The following KCNMA1 variants were observed in gnomAD, a reference collection of about 807,000 sequenced individuals.
The protein encoded by KCNMA1 is potassium calcium-activated channel subfamily M alpha 1, also known as Calcium-activated potassium channel subunit alpha-1.
In KCNMA1, 29 loss-of-function variants were observed where a neutral mutation model predicts 140.0. The observed-to-expected ratio is 0.21, with a 90% confidence interval of 0.15 to 0.28. The LOEUF is 0.28. Among genes scored for constraint, KCNMA1 ranks in the 10% least tolerant of loss-of-function variants. KCNMA1 has a pLI of 1.00. For missense variants in KCNMA1, 880 were observed against 1,602.2 expected (o/e 0.55, Z 7.70); for synonymous variants, 612 against 611.9 (o/e 1.00, Z 0.00).
At chr10:77,079,714 G>C in intron 12 of KCNMA1, 164 bp from the exon 13 acceptor site, 2 of 666,136 alleles carry the variant, frequency 3.0e-6, no homozygotes, top group South Asian at 3.3e-5. Context: ...TTGAAGACTA[G>C]CTGAAACAGG....
At chr10:77,574,582 AC>A (rs2073298479) in intron 1 of KCNMA1, among the ~76,000 whole-genome samples, 1 of 152,196 alleles carries the variant, frequency 6.6e-6, no homozygotes, top group South Asian at 2.1e-4. Flanking sequence ...CTGGGACCTG[AC>A]TTCTAAGGTC....
In KCNMA1 at chr10:77,444,844, C is replaced by T. The variant is rs1359927490; in HGVS notation, c.379-40821G>A. Among the ~76,000 whole-genome samples, 3 of 152,156 alleles carry T rather than the reference C, an allele frequency of 2.0e-5. No homozygotes were observed. In the East Asian group the frequency reaches 5.8e-4, roughly 29 times the overall value. On this transcript the variant is annotated intron_variant, in intron 1 of 27. Transcript: ENST00000286628. ...AACACACCCAAGAGTTACCGAGTCC[C>T]TTCTGTGGTTGGGTCCTTGAAAAGC... is the stretch of plus-strand genomic sequence containing the variant.
At chr10:77,319,534 C>T (rs1397794619) in intron 2 of KCNMA1, among the ~76,000 whole-genome samples, 1 of 152,184 alleles carries the variant, frequency 6.6e-6, no homozygotes, top group Admixed American at 6.5e-5. Flanking sequence ...CTCACCTTTT[C>T]ACTAGAGCAG....
chr10:77,027,357 G>A (rs907086260), intron 16 of KCNMA1, among the ~76,000 whole-genome samples: 10 of 152,242 alleles, frequency 6.6e-5, no homozygotes, highest in South Asian at 4.2e-4. Flanking sequence ...TGGTTGCACC[G>A]GGAGAAGCAC....
In KCNMA1 at chr10:76,893,430, G is replaced by A. The variant is rs181701195; in HGVS notation, c.3148-1711C>T. ...CCAAGCAAGGGATTTTAAACTCGAT[G>A]TGGTAGAAAATGGGAGGTCAGCCAA... On this transcript the variant is annotated intron_variant, in intron 25 of 27. Coordinates refer to ENST00000286628, the MANE Select transcript of KCNMA1 (RefSeq NM_001161352.2). 2.8e-3 allele frequency among the ~76,000 whole-genome samples: 423 copies of A among 152,258 alleles called. 1 individual carries two copies. The highest frequency in any genetic ancestry group is 9.9e-3 in the African/African-American group (412 of 41,548).
At chr10:77,016,429 C>A (rs2092055184) in intron 17 of KCNMA1, among the ~76,000 whole-genome samples, 1 of 152,136 alleles carries the variant, frequency 6.6e-6, no homozygotes, top group African/African-American at 2.4e-5. Flanking sequence ...TTGTATAGAG[C>A]CTTCTAAATG....
chr10:76,926,809 A>G (rs1478593444), intron 23 of KCNMA1, among the ~76,000 whole-genome samples: 2 of 152,146 alleles, frequency 1.3e-5, no homozygotes, highest in Non-Finnish European at 2.9e-5. Flanking sequence ...ATCAACAAAC[A>G]TATCAACATT....
At chr10:77,019,317 C>T in intron 16 of KCNMA1, 1 of 555,894 alleles carries the variant, frequency 1.8e-6, no homozygotes, top group South Asian at 2.1e-5. Flanking sequence ...GGCTGGCATG[C>T]TCCCAGTTGA....
intron 10 of KCNMA1, among the ~76,000 whole-genome samples, chr10:77,088,503 C>G (rs2096744943): frequency 6.6e-6 from 1 of 152,092 alleles, no homozygotes; most frequent in African/African-American, 2.4e-5. Context: ...CATCTTGACT[C>G]ACTGCAACCT....
At chr10:76,917,851 G>T (rs552196681) in intron 23 of KCNMA1, among the ~76,000 whole-genome samples, 40 of 152,252 alleles carry the variant, frequency 2.6e-4, no homozygotes, top group African/African-American at 9.1e-4. Flanking sequence ...TTTCTTAGGG[G>T]TACTGATATG....
At chr10:77,175,606 C>T (rs751105708) in intron 5 of KCNMA1, among the ~76,000 whole-genome samples, 22 of 152,156 alleles carry the variant, frequency 1.4e-4, no homozygotes, top group Non-Finnish European at 2.6e-4. Flanking sequence ...TCCTATAGCA[C>T]GAATCCTAAC....
intron 6 of KCNMA1, among the ~76,000 whole-genome samples, chr10:77,114,207 T>G (rs920868452): frequency 1.3e-5 from 2 of 152,222 alleles, no homozygotes; most frequent in Non-Finnish European, 2.9e-5. Context: ...CTGGTGTTCC[T>G]TGAGTGGATC....
At chr10:77,378,412 T>C (rs184234632) in intron 2 of KCNMA1, among the ~76,000 whole-genome samples, 109 of 152,378 alleles carry the variant, frequency 7.2e-4, no homozygotes, top group Admixed American at 1.6e-3. Context: ...AAAATCTGTC[T>C]CTTGCCAGGG....
rs1042949864 is a variant in KCNMA1, at chr10:76,914,082, C to T, written c.3016+854G>A. ...CCAGTTCAGTTATCATTAGAATGTG[C>T]GTCCCACTGTTTTTTTCCTGATTGA... On this transcript the variant is annotated intron_variant, in intron 24 of 27. Transcript: ENST00000286628. 44 of 1,549,942 alleles carry T rather than the reference C, an allele frequency of 2.8e-5. No individual in the cohort carries two copies. In the African/African-American group the frequency reaches 3.4e-4, roughly 12 times the overall value.
chr10:77,155,263 T>C (rs1006052157), intron 5 of KCNMA1, among the ~76,000 whole-genome samples: 1 of 152,232 alleles, frequency 6.6e-6, no homozygotes, highest in African/African-American at 2.4e-5. Context: ...CAGAGAATTC[T>C]TTCCTGCCTG....
intron 1 of KCNMA1, among the ~76,000 whole-genome samples, chr10:77,573,304 T>G (rs1416251992): frequency 6.6e-6 from 1 of 151,958 alleles, no homozygotes; most frequent in East Asian, 1.9e-4. Flanking sequence ...TGATGTGTAG[T>G]GTGTGCATGG....
Position 77,479,494 on chromosome 10 carries a change from C to T in KCNMA1, c.379-75471G>A, listed in dbSNP as rs77938405. Reference sequence around the variant, plus strand: ...TACCAGCAGAGCCTCCCCAAAGACTCTCTGGCCCCTGCAGCCAATGACAAT... The same window carrying T: ...TACCAGCAGAGCCTCCCCAAAGACTTTCTGGCCCCTGCAGCCAATGACAAT... On this transcript the variant is annotated intron_variant, in intron 1 of 27. Transcript: ENST00000286628. Among the ~76,000 whole-genome samples, 6 of 152,346 alleles carry T rather than the reference C, an allele frequency of 3.9e-5. No individual in the cohort carries two copies. The East Asian group carries it at 1.2e-3, about 29-fold the overall frequency.
intron 1 of KCNMA1, among the ~76,000 whole-genome samples, chr10:77,589,663 T>C (rs936898313): frequency 1.3e-5 from 2 of 152,002 alleles, no homozygotes; most frequent in Admixed American, 1.3e-4. Flanking sequence ...CGTCTGGAGT[T>C]TGTTCCTTCT....
rs372708181 is a variant in KCNMA1, at chr10:77,294,737, G to T, written c.541-43481C>A. Among the ~76,000 whole-genome samples the T allele has an allele frequency of 1.1e-4, 16 of 152,156 alleles. No homozygotes were observed. The East Asian group carries it at 1.9e-3, about 18-fold the overall frequency. ...AGTTCGAGGCCAGGCTTGCCAACAT[G>T]GTGAAACCTTGTCTCTACTAAAAAT... On this transcript the variant is annotated intron_variant, in intron 2 of 27. Transcript: ENST00000286628.
Sources: allele counts gnomAD v4.1 joint callset (sites outside exome capture counted in the v4.1 genomes callset), GRCh38; gene constraint gnomAD v4.1.1; transcripts MANE v1.5; gene names NCBI Gene and HGNC (gene_info 2026-07-23, HGNC 2026-07-21).